TOP2B: variants seen among roughly 807,000 people sequenced by gnomAD.
TOP2B encodes DNA topoisomerase II beta, also known as DNA topoisomerase 2-beta.
A neutral mutation model predicts 193.5 loss-of-function variants in TOP2B; 51 were observed. The observed-to-expected ratio is 0.26, with a 90% CI of 0.21 to 0.33. TOP2B has a LOEUF of 0.33. Ranked by LOEUF, TOP2B falls within the 10% of genes least tolerant of loss-of-function variation. The pLI is 1.00. For missense variants in TOP2B, 1,378 were observed against 1,909.3 expected, an observed-to-expected ratio of 0.72 and a Z score of 5.19; for synonymous variants, 634 against 635.7, an observed-to-expected ratio of 1.00 and a Z score of 0.04.
At chr3:25,630,518 C>A in intron 11 of TOP2B, 49 bp from the exon 12 acceptor site, 4 of 1,414,146 alleles carry the variant, frequency 2.8e-6, no homozygotes, top group Non-Finnish European at 3.8e-6. Context: ...CATACTTTCA[C>A]TGATGAGAAA....
intron 34 of TOP2B, 89 bp downstream of exon 34, chr3:25,601,011 C>T (rs1702077449): frequency 7.1e-7 from 1 of 1,403,998 alleles, no homozygotes; most frequent in Non-Finnish European, 9.7e-7. Context: ...AAAATAGATA[C>T]CTAGCCTCTC....
chr3:25,598,276 T>C lies in TOP2B; in HGVS notation c.*31A>G. The C allele has an allele frequency of 6.3e-7, 1 of 1,576,482 alleles. No individual in the cohort carries two copies. The highest frequency in any genetic ancestry group is 1.2e-5 in the South Asian group (1 of 85,880). ...AAGACAAAAGGACAACACAAGATAT[T>C]TGTTGAAAAATGTTTGTGCTCTTTG... On this transcript the variant is annotated 3_prime_UTR_variant, in exon 36 of 36. Transcript: ENST00000264331.
intron 1 of TOP2B, among the ~76,000 whole-genome samples, chr3:25,656,642 C>T (rs1703754216): frequency 6.6e-6 from 1 of 151,888 alleles, no homozygotes; most frequent in Admixed American, 6.6e-5. Flanking sequence ...ATCAAAATGG[C>T]ACTGTTTAGT....
chr3:25,627,370 G>C (rs764777518), intron 15 of TOP2B, 74 bp from the exon 16 acceptor site: 4 of 957,454 alleles, frequency 4.2e-6, no homozygotes, highest in Non-Finnish European at 6.2e-6. Flanking sequence ...AAAAGCTGGT[G>C]GAAAAGTTGT....
At position 25,664,423 on chromosome 3, in the gene TOP2B, C is replaced by G. The variant is rs1428117289; in HGVS notation, c.-126G>C. ...CCGCACTCCTAGCCGCGCCGACCCCCGCGCCCCATCGCGAAGATCCGGAGC... is the reference window on the plus strand; with the variant it reads ...CCGCACTCCTAGCCGCGCCGACCCCGGCGCCCCATCGCGAAGATCCGGAGC... On this transcript the variant is annotated 5_prime_UTR_variant, in exon 1 of 36. Coordinates refer to ENST00000264331, the MANE Select transcript of TOP2B (RefSeq NM_001330700.2). 3.2e-6 allele frequency: 4 copies of G among 1,268,670 alleles called. No homozygotes were observed. The highest frequency in any genetic ancestry group is 4.0e-6 in the Non-Finnish European group (4 of 1,012,114). 78.6% of individuals were successfully genotyped at this position (1,268,670 alleles called of 1,614,324 possible). A position where few individuals can be genotyped will look rare whatever the true frequency, so the allele number is the denominator to read the frequency against.
rs551760024 is a variant in TOP2B, at chr3:25,604,854, G to A, written c.4395C>T (p.Asp1465=). ...QKSEDDSAKF[D]SNEEDSASVF... is the part of the protein sequence containing the mutation. Reference sequence around the variant, plus strand: ...CAGAAGCAGAATCTTCTTCATTACTGTCAAATTTAGCTGAATCTAAAAATT... The same window carrying A: ...CAGAAGCAGAATCTTCTTCATTACTATCAAATTTAGCTGAATCTAAAAATT... The change falls in exon 33 of 36, where the codon GAC becomes GAT. Residue 1465 remains aspartate (D), a synonymous_variant. Coordinates refer to ENST00000264331, the MANE Select transcript of TOP2B (RefSeq NM_001330700.2). 1.9e-6 allele frequency: 3 copies of A among 1,612,112 alleles called. No homozygotes were observed. In the African/African-American group the frequency reaches 4.0e-5, roughly 22 times the overall value.
At chr3:25,636,584 T>C (rs1288234570) in intron 6 of TOP2B, among the ~76,000 whole-genome samples, 1 of 152,030 alleles carries the variant, frequency 6.6e-6, no homozygotes, top group Non-Finnish European at 1.5e-5. Flanking sequence ...CCAGAACCAA[T>C]CCTCCTGAGG....
intron 1 of TOP2B, among the ~76,000 whole-genome samples, chr3:25,646,813 T>C (rs1204258879): frequency 6.6e-6 from 1 of 152,148 alleles, no homozygotes; most frequent in Non-Finnish European, 1.5e-5. Context: ...CTCTGAAAAG[T>C]CTAAACGAAG....
chr3:25,630,221 T>C, intron 12 of TOP2B, 67 bp from the exon 13 acceptor site: 1 of 1,519,566 alleles, frequency 6.6e-7, no homozygotes, highest in Non-Finnish European at 8.8e-7. Flanking sequence ...GAAATTACAT[T>C]TAAAAATTCG....
intron 7 of TOP2B, among the ~76,000 whole-genome samples, chr3:25,635,177 C>A (rs1703070315): frequency 6.6e-6 from 1 of 152,068 alleles, no homozygotes; most frequent in Non-Finnish European, 1.5e-5. Flanking sequence ...CTCTGGTATT[C>A]ACGGCAACAA....
In TOP2B at chr3:25,633,912, C is replaced by G; in HGVS notation, c.955G>C (p.Asp319His). 1 of 1,613,210 alleles carries G rather than the reference C, an allele frequency of 6.2e-7. No individual in the cohort carries two copies. The highest frequency in any genetic ancestry group is 1.1e-5 in the South Asian group (1 of 91,022). Residue 319 changes from aspartate to histidine, a missense_variant, in exon 8 of 36, where the codon GAT (aspartate) becomes CAT (histidine). By Grantham distance (81) the Asp-to-His change is moderately conservative. This residue lies in a region of TOP2B where 222 missense variants were observed against 306.6 expected (regional missense o/e 0.72). Transcript: ENST00000264331. Reference protein sequence around the residue: ...VIHELANERWDVCLTLSEKGF... With the variant: ...VIHELANERWHVCLTLSEKGF... ...TTTTCACTCAATGTGAGACAAACAT[C>G]CCATCTTTCATTTGCAAGCTCATGA...
chr3:25,654,028 T>C (rs1458073490), intron 1 of TOP2B, among the ~76,000 whole-genome samples: 2 of 152,156 alleles, frequency 1.3e-5, no homozygotes, highest in African/African-American at 2.4e-5. Flanking sequence ...CTAAAAACTT[T>C]TCCTCTAAGA....
intron 29 of TOP2B, 106 bp downstream of exon 29, chr3:25,609,462 G>C: frequency 6.8e-7 from 1 of 1,462,600 alleles, no homozygotes; most frequent in Non-Finnish European, 9.1e-7. Context: ...AAAATTGAAG[G>C]CATTATTTCA....
chr3:25,664,687 C>T lies in TOP2B; in HGVS notation c.-390G>A. 2.0e-6 allele frequency: 2 copies of T among 985,044 alleles called. No individual in the cohort carries two copies. The highest frequency in any genetic ancestry group is 2.4e-6 in the Non-Finnish European group (2 of 829,784). The allele number at this position is 985,044 out of a possible 1,614,324, so 61.0% of individuals were successfully genotyped here. The stretch of plus-strand genomic sequence containing the variant: ...GGGAGCCCGAGGCGCTCGGACGTGG[C>T]GAGGACGCAGAGGTGCCTTGTCCTT... On this transcript the variant is annotated 5_prime_UTR_variant, in exon 1 of 36. Coordinates refer to ENST00000264331, the MANE Select transcript of TOP2B (RefSeq NM_001330700.2).
At chr3:25,660,170 T>C (rs1213460669) in intron 1 of TOP2B, among the ~76,000 whole-genome samples, 3 of 152,196 alleles carry the variant, frequency 2.0e-5, no homozygotes, top group Non-Finnish European at 4.4e-5. Flanking sequence ...TACTTGAGAA[T>C]GTATCTAAAA....
chr3:25,660,018 A>G (rs896792299), intron 1 of TOP2B, among the ~76,000 whole-genome samples: 1 of 152,210 alleles, frequency 6.6e-6, no homozygotes, highest in Admixed American at 6.5e-5. Context: ...TAAAAATTCA[A>G]GAAGTTTATT....
rs369514753 is a variant in TOP2B, at chr3:25,599,477, G to A, written c.4668C>T (p.Gly1556=). The A allele has an allele frequency of 9.0e-5, 145 of 1,613,480 alleles. 1 individual carries two copies. In the South Asian group the frequency reaches 1.4e-3, roughly 16 times the overall value. ...ATGTTTTCCTGCCAGGGTTATAATC[G>A]CCTTCATTTTCAGAGCCAGATGCTT... ...KRKASGSENE[G]DYNPGRKTSK... is the part of the protein sequence containing the mutation. The change falls in exon 35 of 36, where the codon GGC becomes GGT. Residue 1556 remains glycine (G), a synonymous_variant. Coordinates refer to ENST00000264331, the MANE Select transcript of TOP2B (RefSeq NM_001330700.2).
chr3:25,645,917 G>T (rs1175340711), intron 1 of TOP2B, among the ~76,000 whole-genome samples: 1 of 146,612 alleles, frequency 6.8e-6, no homozygotes, highest in Non-Finnish European at 1.5e-5. Context: ...GCACCACTAT[G>T]CCCAGGTAAT....
At chr3:25,624,186 G>A in intron 20 of TOP2B, 111 bp downstream of exon 20, 1 of 1,285,968 alleles carries the variant, frequency 7.8e-7, no homozygotes, top group Non-Finnish European at 1.1e-6. Flanking sequence ...CACCTTCTAA[G>A]TAGAATAACC....
Sources: allele counts gnomAD v4.1 joint callset (sites outside exome capture counted in the v4.1 genomes callset), GRCh38; gene constraint gnomAD v4.1.1; regional missense constraint gnomAD v4.1.1; transcripts MANE v1.5; gene names NCBI Gene and HGNC (gene_info 2026-07-23, HGNC 2026-07-21).